The following FAM161B variants were observed in gnomAD, a reference collection of about 807,000 sequenced individuals.
FAM161B encodes FAM161 centrosomal protein B, also known as protein FAM161B.
A neutral mutation model predicts 61.5 loss-of-function variants in FAM161B; 46 were observed. The ratio of observed to expected loss-of-function variants is 0.75; its 90% confidence interval spans 0.59 to 0.96. The LOEUF (loss-of-function observed/expected upper bound fraction) is 0.96, where lower values mean the gene tolerates loss of function less well. Among genes scored for constraint, FAM161B ranks in the 40% least tolerant of loss-of-function variants. The pLI is 0.00. For synonymous variants in FAM161B, 284 were observed against 302.7 expected (o/e 0.94, Z 0.64); for missense variants, 774 against 800.7 (o/e 0.97, Z 0.40).
At position 73,938,199 on chromosome 14, in the gene FAM161B, T is replaced by C. The variant is rs561094249; in HGVS notation, c.1401-87A>G. ...TTAGGCCAGGTGTGGTGGCTCACAC[T>C]TGTAGTCCTAGCACTTTGGGAGGCC... is the stretch of plus-strand genomic sequence containing the variant. On this transcript the variant is annotated intron_variant, in intron 5 of 8. Transcript: ENST00000286544. 10 of 1,499,222 alleles carry C rather than the reference T, an allele frequency of 6.7e-6. No individual in the cohort carries two copies. In the Admixed American group the frequency reaches 9.3e-5, roughly 14 times the overall value. The allele number at this position is 1,499,222 out of a possible 1,614,324, so 92.9% of individuals were successfully genotyped here.
At chr14:73,942,268 G>A in intron 4 of FAM161B, 101 bp downstream of exon 4, 3 of 1,228,338 alleles carry the variant, frequency 2.4e-6, no homozygotes, top group South Asian at 1.5e-5. Flanking sequence ...TTAAAAAAAA[G>A]ATAGGAAAAC....
chr14:73,940,819 C>G (rs951578031), intron 5 of FAM161B, 107 bp downstream of exon 5: 65 of 1,455,798 alleles, frequency 4.5e-5, no homozygotes, highest in Admixed American at 9.3e-5. Context: ...TTCCCTTTGA[C>G]CCCTTGAGGT....
chr14:73,937,865 C>CT, intron 6 of FAM161B, 83 bp downstream of exon 6: 2 of 1,588,744 alleles, frequency 1.3e-6, no homozygotes, highest in South Asian at 2.3e-5. Context: ...CTCGATAACT[C>CT]TATTTTGCAT....
downstream of FAM161B, chr14:73,931,624 A>C (rs1269359469): frequency 7.7e-7 from 1 of 1,290,892 alleles, no homozygotes; most frequent in Non-Finnish European, 1.1e-6. Context: ...AGCCCACAAC[A>C]GAACCAGAAT....
Position 73,934,324 on chromosome 14 carries a change from C to T in FAM161B, c.1876G>A (p.Ala626Thr), listed in dbSNP as rs756164722. The T allele has an allele frequency of 1.5e-5, 25 of 1,614,118 alleles. 1 individual carries two copies. The South Asian group carries it at 2.7e-4, about 18-fold the overall frequency. Residue 626 changes from alanine to threonine, a missense_variant, in exon 9 of 9, where the codon GCA becomes ACA. Transcript: ENST00000286544. ...TCCTCCAGTACTTTCCTGGGGCTTG[C>T]AGGCTGTTCTAGAGATCCTTCTAAA... ...QGLEGSLEQPASPRKVLEELS... is the reference protein window; with the variant it reads ...QGLEGSLEQPTSPRKVLEELS...
chr14:73,938,463 T>TAAC (rs2055989674), intron 5 of FAM161B, among the ~76,000 whole-genome samples: 1 of 136,518 alleles, frequency 7.3e-6, no homozygotes, highest in Admixed American at 7.4e-5. Context: ...GTCTCAAAAA[T>TAAC]AATAATAATA....
intron 5 of FAM161B, among the ~76,000 whole-genome samples, chr14:73,939,724 G>T (rs1196451686): frequency 6.6e-6 from 1 of 152,216 alleles, no homozygotes; most frequent in Non-Finnish European, 1.5e-5. Flanking sequence ...TCAACTTGTA[G>T]CACTTAGTTT....
At chr14:73,923,480 A>G in the FAM161B span, 2 of 1,613,740 alleles carry the variant, frequency 1.2e-6, no homozygotes, top group Non-Finnish European at 1.7e-6. Flanking sequence ...CAGGGAGGCA[A>G]TCATATGAAG....
the FAM161B span, among the ~76,000 whole-genome samples, chr14:73,925,433 C>CT: frequency 0.013 from 1,847 of 144,380 alleles, 25 homozygotes; most frequent in African/African-American, 0.04. Flanking sequence ...CTAACTTTGA[C>CT]TTTTTTTTTT....
Position 73,934,134 on chromosome 14 carries a change from A to G in FAM161B, c.*122T>C. ...ACTGCGCCTGGCCTGTTAATCTGCT[A>G]CTCTTCATTTGTCCATCCTCTAACA... is the stretch of plus-strand genomic sequence containing the variant. On this transcript the variant is annotated 3_prime_UTR_variant, in exon 9 of 9. Coordinates refer to ENST00000286544, the MANE Select transcript of FAM161B (RefSeq NM_152445.3). 1.7e-6 allele frequency: 2 copies of G among 1,202,800 alleles called. No individual in the cohort carries two copies. The highest frequency in any genetic ancestry group is 1.5e-5 in the South Asian group (1 of 64,730). 74.5% of individuals were successfully genotyped at this position (1,202,800 alleles called of 1,614,324 possible).
At chr14:73,928,438 A>G (rs563649544), downstream of FAM161B, among the ~76,000 whole-genome samples, 1 of 152,202 alleles carries the variant, frequency 6.6e-6, no homozygotes, top group African/African-American at 2.4e-5. Flanking sequence ...AGGTCTTACA[A>G]GGCATGATTT....
chr14:73,931,756 T>C (rs538738984), downstream of FAM161B: 10 of 561,290 alleles, frequency 1.8e-5, no homozygotes, highest in Admixed American at 2.1e-4. Context: ...AAGCAATGAC[T>C]GTGGGCTGGG....
intron 4 of FAM161B, among the ~76,000 whole-genome samples, chr14:73,941,563 T>C (rs1299149386): frequency 6.6e-6 from 1 of 152,210 alleles, no homozygotes; most frequent in East Asian, 1.9e-4. Context: ...CCTAAAGTTT[T>C]TAGTCAAATG....
chr14:73,931,688 T>C (rs548914917), downstream of FAM161B: 121 of 703,490 alleles, frequency 1.7e-4, 1 homozygote, highest in East Asian at 3.1e-3. Context: ...TTTCCTGGTA[T>C]AGAAGATGGA....
rs773884951 is a variant in FAM161B, at chr14:73,942,428, T to G, written c.1213A>C (p.Thr405Pro). 1 of 1,614,168 alleles carries G rather than the reference T, an allele frequency of 6.2e-7. No homozygotes were observed. Among genetic ancestry groups the G allele is most frequent in the African/African-American group, 1.3e-5 (1 of 75,040 alleles). ...CGCTGAGGGTGGCGCAGGTTGGCGG[T>G]CCTCAGCAAGAAGGGCTTGTTGCGA... is the stretch of plus-strand genomic sequence containing the variant. ...ATRNKPFLLR[T>P]ANLRHPQRPC... Residue 405 changes from threonine (T) to proline (P), a missense_variant, in exon 4 of 9, where the codon ACC (threonine) becomes CCC (proline). Physicochemically the swap from Thr to Pro is conservative, Grantham distance 38. Transcript: ENST00000286544.
chr14:73,938,028 T>G lies in FAM161B; in HGVS notation c.1485A>C (p.Lys495Asn). 1 of 1,614,238 alleles carries G rather than the reference T, an allele frequency of 6.2e-7. No individual in the cohort carries two copies. Among genetic ancestry groups the G allele is most frequent in the Non-Finnish European group, 8.5e-7 (1 of 1,180,034 alleles). Residue 495 changes from lysine (K) to asparagine (N), a missense_variant, in exon 6 of 9, where the codon AAA becomes AAC. Coordinates refer to ENST00000286544, the MANE Select transcript of FAM161B (RefSeq NM_152445.3). ...TGGCTTTTGCACGCAAGGTCACAGA[T>G]TTGGACATTGCTTGAGACTTCTTTT... ...IHKKKSQAMS[K>N]SVTLRAKAMD...
Position 73,949,978 on chromosome 14 carries a change from G to C in FAM161B, c.49C>G (p.Arg17Gly). Residue 17 changes from arginine to glycine, a missense_variant, in exon 1 of 9, where the codon CGT becomes GGT. By Grantham distance (125) the Arg-to-Gly change is moderately radical. Transcript: ENST00000286544. The stretch of plus-strand genomic sequence containing the variant: ...AGTCTCTTTTCTCTCCTCACCTGAC[G>C]GCTCCCCTCCGCGCCTCCGGGGGCT... Reference protein sequence around the residue: ...EGAPGGAEGSRQIFPPESFAD... With the variant: ...EGAPGGAEGSGQIFPPESFAD... 1.2e-6 allele frequency: 2 copies of C among 1,613,488 alleles called. No homozygotes were observed. Among genetic ancestry groups the C allele is most frequent in the Non-Finnish European group, 1.7e-6 (2 of 1,180,004 alleles).
chr14:73,944,750 A>G lies in FAM161B; in HGVS notation c.510T>C (p.Thr170=), dbSNP rs2056051582. 3 of 1,595,850 alleles carry G rather than the reference A, an allele frequency of 1.9e-6. No homozygotes were observed. The highest frequency in any genetic ancestry group is 1.1e-5 in the South Asian group (1 of 89,114). Residue 170 remains threonine (T), a synonymous_variant, in exon 3 of 9, where the codon ACT becomes ACC. Coordinates refer to ENST00000286544, the MANE Select transcript of FAM161B (RefSeq NM_152445.3). Reference sequence around the variant, plus strand: ...GCGTCATGCGGAATGGCCGAGGGACAGTAATGGATGATGCCCAGGAGCTGA... The same window carrying G: ...GCGTCATGCGGAATGGCCGAGGGACGGTAATGGATGATGCCCAGGAGCTGA... ...RSVSSWASSI[T]VPRPFRMTLR... is the part of the protein sequence containing the mutation.
At position 73,933,041 on chromosome 14, in the gene FAM161B, A is replaced by T. The variant is rs2055938690; in HGVS notation, c.*1215T>A. On this transcript the variant is annotated 3_prime_UTR_variant, in exon 9 of 9. Transcript: ENST00000286544. ...TTAAAATGAACCTCATGCTCACATAAACACACAGGCACATTCTAAACAGAT... is the reference window on the plus strand; with the variant it reads ...TTAAAATGAACCTCATGCTCACATATACACACAGGCACATTCTAAACAGAT... 6.5e-6 allele frequency: 1 copy of T among 153,992 alleles called. No individual in the cohort carries two copies. The highest frequency in any genetic ancestry group is 2.4e-5 in the African/African-American group (1 of 41,462). 9.5% of individuals were successfully genotyped at this position (153,992 alleles called of 1,614,324 possible).
Sources: allele counts gnomAD v4.1 joint callset (sites outside exome capture counted in the v4.1 genomes callset), GRCh38; gene constraint gnomAD v4.1.1; transcripts MANE v1.5; gene names NCBI Gene and HGNC (gene_info 2026-07-23, HGNC 2026-07-21).